KCNQ5: variants seen among roughly 807,000 people sequenced by gnomAD.
KCNQ5 encodes the protein potassium voltage-gated channel subfamily Q member 5.
A neutral mutation model predicts 98.2 loss-of-function variants in KCNQ5; 30 were observed. The ratio of observed to expected loss-of-function variants is 0.31; its 90% CI spans 0.23 to 0.41. The LOEUF is 0.41. KCNQ5 is among the 10% of genes least tolerant of loss of function. The probability of loss-of-function intolerance (pLI) is 1.00; values close to 1 mark genes in which losing one functional copy is unlikely to be tolerated. For missense variants in KCNQ5, 835 were observed against 1,182.5 expected, an observed-to-expected ratio of 0.71 and a Z score of 4.31; for synonymous variants, 458 against 449.4, an observed-to-expected ratio of 1.02 and a Z score of -0.24.
At chr6:72,815,514 C>A (rs961604162) in intron 1 of KCNQ5, among the ~76,000 whole-genome samples, 1 of 151,970 alleles carries the variant, frequency 6.6e-6, no homozygotes, top group Non-Finnish European at 1.5e-5. Flanking sequence ...TTTAGTTTGA[C>A]GAAAGGGAAG....
chr6:72,920,761 G>T (rs1780356357), intron 1 of KCNQ5, among the ~76,000 whole-genome samples: 1 of 152,126 alleles, frequency 6.6e-6, no homozygotes, highest in African/African-American at 2.4e-5. Context: ...TTTTCTAAGT[G>T]CAGTGGTTTT....
At position 73,064,160 on chromosome 6, in the gene KCNQ5, C is replaced by A. The variant is rs138109079; in HGVS notation, c.617-13162C>A. Among the ~76,000 whole-genome samples the A allele has an allele frequency of 2.6e-5, 4 of 152,230 alleles. No individual in the cohort carries two copies. In the East Asian group the frequency reaches 7.7e-4, roughly 29 times the overall value. On this transcript the variant is annotated intron_variant, in intron 3 of 13. Coordinates refer to ENST00000370398, the MANE Select transcript of KCNQ5 (RefSeq NM_019842.4). The stretch of plus-strand genomic sequence containing the variant: ...TATTCAAAGAACTTCCTGAAGATAT[C>A]CTTTCAAAAACTTTTAGCAGTAGGT...
chr6:72,703,801 G>A (rs1768942312), intron 1 of KCNQ5, among the ~76,000 whole-genome samples: 1 of 152,192 alleles, frequency 6.6e-6, no homozygotes, highest in Non-Finnish European at 1.5e-5. Flanking sequence ...GCCCTGCAAA[G>A]AAAGTAATTA....
chr6:72,630,612 A>G (rs986450312), intron 1 of KCNQ5: 1 of 151,774 alleles, frequency 6.6e-6, no homozygotes, highest in African/African-American at 2.4e-5. Context: ...CTTAATCTAT[A>G]AAATATCAGT....
chr6:72,889,512 C>T (rs919405566), intron 1 of KCNQ5, among the ~76,000 whole-genome samples: 2 of 152,128 alleles, frequency 1.3e-5, no homozygotes, highest in African/African-American at 4.8e-5. Flanking sequence ...TAAAATGAAG[C>T]AGTACCACCA....
chr6:73,087,962 C>T (rs148971199), intron 5 of KCNQ5, among the ~76,000 whole-genome samples: 155 of 152,044 alleles, frequency 1.0e-3, no homozygotes, highest in Middle Eastern at 6.8e-3. Context: ...CCTATCTCCA[C>T]CATATTCAGT....
intron 1 of KCNQ5, among the ~76,000 whole-genome samples, chr6:72,685,112 G>A (rs977236728): frequency 6.6e-6 from 1 of 152,190 alleles, no homozygotes; most frequent in Non-Finnish European, 1.5e-5. Flanking sequence ...GTAGGGCTAT[G>A]TGTTGTGCAG....
intron 1 of KCNQ5, among the ~76,000 whole-genome samples, chr6:72,723,748 T>C (rs936132897): frequency 9.9e-5 from 15 of 152,110 alleles, no homozygotes; most frequent in Non-Finnish European, 2.2e-4. Flanking sequence ...TTTTTCAAAA[T>C]TTTTCAAATT....
chr6:72,664,120 G>A (rs1326074159), intron 1 of KCNQ5, among the ~76,000 whole-genome samples: 1 of 152,148 alleles, frequency 6.6e-6, no homozygotes, highest in East Asian at 1.9e-4. Context: ...AGTGCTAGTG[G>A]ACATGGAATA....
intron 1 of KCNQ5, among the ~76,000 whole-genome samples, chr6:72,784,119 C>A (rs1214250578): frequency 6.6e-6 from 1 of 152,180 alleles, no homozygotes; most frequent in African/African-American, 2.4e-5. Flanking sequence ...AATCGTCAAC[C>A]CTTCTGGCCA....
intron 2 of KCNQ5, among the ~76,000 whole-genome samples, chr6:73,018,075 A>G (rs1770431257): frequency 6.6e-6 from 1 of 152,098 alleles, no homozygotes; most frequent in Admixed American, 6.5e-5. Flanking sequence ...ATCCCAACAT[A>G]TTATGTTGGA....
At chr6:72,873,921 GA>G (rs1778309114) in intron 1 of KCNQ5, among the ~76,000 whole-genome samples, 1 of 151,886 alleles carries the variant, frequency 6.6e-6, no homozygotes, top group African/African-American at 2.4e-5. Context: ...TACGAGTTGA[GA>G]AAAGGCTGTA....
At chr6:72,626,377 G>T (rs1379820526) in intron 1 of KCNQ5, among the ~76,000 whole-genome samples, 1 of 152,218 alleles carries the variant, frequency 6.6e-6, no homozygotes, top group Non-Finnish European at 1.5e-5. Context: ...GTAAAGATAT[G>T]GAGTTGTGAA....
intron 1 of KCNQ5, among the ~76,000 whole-genome samples, chr6:72,685,168 C>T (rs1427781109): frequency 6.6e-6 from 1 of 152,164 alleles, no homozygotes; most frequent in Non-Finnish European, 1.5e-5. Flanking sequence ...TTTGTAAGTT[C>T]TATTTTATCT....
At chr6:73,067,934 C>T (rs868036455) in intron 3 of KCNQ5, among the ~76,000 whole-genome samples, 5 of 150,782 alleles carry the variant, frequency 3.3e-5, no homozygotes, top group African/African-American at 1.2e-4. Flanking sequence ...ATCTTACCAC[C>T]TAAAGATAAT....
At chr6:72,676,044 A>G (rs1031370464) in intron 1 of KCNQ5, among the ~76,000 whole-genome samples, 5 of 152,224 alleles carry the variant, frequency 3.3e-5, no homozygotes, top group Admixed American at 3.3e-4. Context: ...CAATTATTAT[A>G]GGATTTAATT....
chr6:73,106,417 G>A (rs1408835971), intron 6 of KCNQ5, among the ~76,000 whole-genome samples: 1 of 152,158 alleles, frequency 6.6e-6, no homozygotes, highest in Non-Finnish European at 1.5e-5. Context: ...GCCTTAACAA[G>A]TACCACAGAC....
intron 10 of KCNQ5, among the ~76,000 whole-genome samples, chr6:73,142,855 G>A (rs1440223553): frequency 6.6e-6 from 1 of 152,160 alleles, no homozygotes; most frequent in Non-Finnish European, 1.5e-5. Context: ...AGAGGAGGTT[G>A]CAGTGAGCTG....
intron 11 of KCNQ5, among the ~76,000 whole-genome samples, chr6:73,185,440 C>T (rs781265176): frequency 6.6e-6 from 1 of 152,162 alleles, no homozygotes; most frequent in African/African-American, 2.4e-5. Context: ...CCTCAGCCCC[C>T]CAAAGTGCTG....
Sources: gnomAD v4.1 joint callset for allele counts (sites outside exome capture counted in the v4.1 genomes callset) on GRCh38, gnomAD v4.1.1 for gene constraint, MANE v1.5 for transcripts, NCBI Gene and HGNC (gene_info 2026-07-23, HGNC 2026-07-21) for gene names.